RALA: variants seen among roughly 807,000 people sequenced by gnomAD.
RALA encodes the protein RAS like proto-oncogene A.
RALA carries 5 observed loss-of-function variants against 24.0 expected under a neutral mutation model. That is an observed-to-expected ratio of 0.21 (90% CI 0.11 to 0.44). RALA has a LOEUF of 0.44. Ranked by LOEUF, RALA falls within the 20% of genes least tolerant of loss-of-function variation. RALA has a pLI of 0.99. For missense variants in RALA, 95 were observed against 241.2 expected (o/e 0.39, Z 4.01); for synonymous variants, 77 against 83.8 (o/e 0.92, Z 0.44).
chr7:39,665,088 A>G (rs1792259590), intron 1 of RALA, among the ~76,000 whole-genome samples: 1 of 152,204 alleles, frequency 6.6e-6, no homozygotes, highest in African/African-American at 2.4e-5. Context: ...AAAGCAAAAA[A>G]GTCTAATTAC....
chr7:39,645,077 C>G (rs550384152), intron 1 of RALA, among the ~76,000 whole-genome samples: 2 of 152,266 alleles, frequency 1.3e-5, no homozygotes, highest in Admixed American at 1.3e-4. Context: ...TGATGACTTT[C>G]CTAGACGTTA....
At position 39,702,319 on chromosome 7, in the gene RALA, A is replaced by G. The variant is rs150861109; in HGVS notation, c.499-3804A>G. On this transcript the variant is annotated intron_variant, in intron 4 of 4. Transcript: ENST00000005257. Reference sequence around the variant, plus strand: ...GCAGTCATACATATCTCTAAGGGAAAGTTTGCATTTGCTTGTTTTTTCTTC... The same window carrying G: ...GCAGTCATACATATCTCTAAGGGAAGGTTTGCATTTGCTTGTTTTTTCTTC... Among the ~76,000 whole-genome samples the G allele has an allele frequency of 6.7e-3, 1,021 of 152,208 alleles. 15 individuals carry two copies. The highest frequency in any genetic ancestry group is 0.023 in the African/African-American group (965 of 41,524).
chr7:39,663,004 G>A (rs536428378), intron 1 of RALA, among the ~76,000 whole-genome samples: 1 of 152,294 alleles, frequency 6.6e-6, no homozygotes, highest in South Asian at 2.1e-4. Flanking sequence ...TTACATGGTG[G>A]CAGATGAGAG....
intron 1 of RALA, among the ~76,000 whole-genome samples, chr7:39,644,176 T>G (rs1255237441): frequency 3.3e-5 from 5 of 152,048 alleles, no homozygotes; most frequent in African/African-American, 9.7e-5. Context: ...TCTTATTCAT[T>G]ATGGTCTTGC....
chr7:39,647,963 A>G (rs1484615691), intron 1 of RALA, among the ~76,000 whole-genome samples: 5 of 152,232 alleles, frequency 3.3e-5, no homozygotes, highest in African/African-American at 1.2e-4. Context: ...TCTTAGATCT[A>G]TTTTAAGCCC....
chr7:39,683,638 T>C (rs1279587613), intron 1 of RALA, among the ~76,000 whole-genome samples: 4 of 152,192 alleles, frequency 2.6e-5, no homozygotes, highest in African/African-American at 9.7e-5. Context: ...AGTTTTTCCT[T>C]GGCAGAAGCT....
At chr7:39,670,445 C>T (rs1306052962) in intron 1 of RALA, among the ~76,000 whole-genome samples, 1 of 152,204 alleles carries the variant, frequency 6.6e-6, no homozygotes, top group Non-Finnish European at 1.5e-5. Flanking sequence ...CCATGCTCAG[C>T]TGAACATTAT....
chr7:39,638,223 T>C (rs117711299), intron 1 of RALA, among the ~76,000 whole-genome samples: 1 of 152,180 alleles, frequency 6.6e-6, no homozygotes, highest in South Asian at 2.1e-4. Flanking sequence ...TTAAGCCTCC[T>C]GAGTAGCTGG....
intron 1 of RALA, among the ~76,000 whole-genome samples, chr7:39,644,507 A>G (rs1242963917): frequency 6.6e-6 from 1 of 152,182 alleles, no homozygotes; most frequent in African/African-American, 2.4e-5. Flanking sequence ...ATAAATATGT[A>G]TGTGAATACT....
chr7:39,703,252 T>A (rs1172274194), intron 4 of RALA: 3 of 152,196 alleles, frequency 2.0e-5, no homozygotes, highest in South Asian at 4.1e-4. Context: ...AATCGAGACC[T>A]CCTGTCCTAG....
At chr7:39,699,221 A>G (rs930372100) in intron 4 of RALA, among the ~76,000 whole-genome samples, 6 of 139,390 alleles carry the variant, frequency 4.3e-5, no homozygotes, top group Admixed American at 1.6e-4. Context: ...GCTCACTGCA[A>G]GCTCTGCTTC....
intron 4 of RALA, among the ~76,000 whole-genome samples, chr7:39,704,134 C>G (rs1183306715): frequency 6.9e-6 from 1 of 145,036 alleles, no homozygotes; most frequent in Non-Finnish European, 1.5e-5. Flanking sequence ...CCATCCCACT[C>G]CAGCCTGGGC....
At chr7:39,666,477 A>C (rs1792288900) in intron 1 of RALA, among the ~76,000 whole-genome samples, 1 of 152,214 alleles carries the variant, frequency 6.6e-6, no homozygotes, top group Non-Finnish European at 1.5e-5. Flanking sequence ...AACTGATAAT[A>C]GTTGTCATTA....
At chr7:39,640,706 C>A (rs1306112421) in intron 1 of RALA, among the ~76,000 whole-genome samples, 2 of 152,124 alleles carry the variant, frequency 1.3e-5, no homozygotes, top group Non-Finnish European at 2.9e-5. Flanking sequence ...TTCCATGTAT[C>A]TATTAATAGT....
At chr7:39,647,043 T>C (rs1791936540) in intron 1 of RALA, among the ~76,000 whole-genome samples, 1 of 152,094 alleles carries the variant, frequency 6.6e-6, no homozygotes, top group African/African-American at 2.4e-5. Context: ...ATGAACAGAT[T>C]CTTATTTATT....
At chr7:39,681,738 ACTT>A (rs1792607093) in intron 1 of RALA, among the ~76,000 whole-genome samples, 1 of 151,978 alleles carries the variant, frequency 6.6e-6, no homozygotes, top group Non-Finnish European at 1.5e-5. Context: ...CCATTTTGTG[ACTT>A]CAAATATCAT....
chr7:39,675,525 C>T (rs951392877), intron 1 of RALA, among the ~76,000 whole-genome samples: 2 of 152,054 alleles, frequency 1.3e-5, no homozygotes, highest in Admixed American at 1.3e-4. Context: ...CGAGCCCAGG[C>T]GTTCAAGACC....
intron 1 of RALA, among the ~76,000 whole-genome samples, chr7:39,654,879 C>A (rs1419314439): frequency 6.6e-6 from 1 of 152,020 alleles, no homozygotes; most frequent in African/African-American, 2.4e-5. Context: ...ACCTCCCAAG[C>A]AGCTGGGGCT....
intron 1 of RALA, among the ~76,000 whole-genome samples, chr7:39,664,329 A>G (rs901180831): frequency 1.3e-5 from 2 of 152,208 alleles, no homozygotes; most frequent in Non-Finnish European, 2.9e-5. Context: ...CATGGACAAC[A>G]AGAACCCTTT....
Sources: allele counts gnomAD v4.1 joint callset (sites outside exome capture counted in the v4.1 genomes callset), GRCh38; gene constraint gnomAD v4.1.1; transcripts MANE v1.5; gene names NCBI Gene and HGNC (gene_info 2026-07-23, HGNC 2026-07-21).